Variants in MAGI1 observed in about 807,000 individuals in gnomAD.
The protein encoded by MAGI1 is membrane-associated guanylate kinase, WW and PDZ domain-containing protein 1.
A neutral mutation model predicts 139.9 loss-of-function variants in MAGI1; 58 were observed. The observed-to-expected ratio is 0.41, with a 90% confidence interval of 0.34 to 0.52. The LOEUF (loss-of-function observed/expected upper bound fraction) is 0.52, where lower values mean the gene tolerates loss of function less well. Among genes scored for constraint, MAGI1 ranks in the 20% least tolerant of loss-of-function variants. MAGI1 has a pLI of 0.12. For synonymous variants in MAGI1, 812 were observed against 737.9 expected (o/e 1.10, Z -1.63); for missense variants, 1,874 against 1,901.6 (o/e 0.99, Z 0.27).
intron 2 of MAGI1, among the ~76,000 whole-genome samples, chr3:65,543,279 A>G (rs1476004178): frequency 1.3e-5 from 2 of 152,236 alleles, no homozygotes; most frequent in South Asian, 2.1e-4. Context: ...GTAGACAAAC[A>G]GGAACATTTT....
At chr3:65,946,582 G>T (rs1019035143) in intron 1 of MAGI1, among the ~76,000 whole-genome samples, 1 of 151,818 alleles carries the variant, frequency 6.6e-6, no homozygotes, top group African/African-American at 2.4e-5. Flanking sequence ...TATTTGTCTT[G>T]GCAATGGCAT....
At chr3:65,699,639 A>C (rs1268285991) in intron 1 of MAGI1, among the ~76,000 whole-genome samples, 1 of 148,802 alleles carries the variant, frequency 6.7e-6, no homozygotes, top group East Asian at 2.0e-4. Context: ...AAAAAACCAA[A>C]CACCTCATAT....
At chr3:66,032,388 T>G (rs2107601540) in intron 1 of MAGI1, among the ~76,000 whole-genome samples, 1 of 146,924 alleles carries the variant, frequency 6.8e-6, no homozygotes, top group African/African-American at 2.5e-5. Context: ...TTTTTTTGTT[T>G]TTTTTTTTTT....
At chr3:65,561,850 A>G (rs1359910674) in intron 2 of MAGI1, among the ~76,000 whole-genome samples, 2 of 152,198 alleles carry the variant, frequency 1.3e-5, no homozygotes, top group African/African-American at 4.8e-5. Flanking sequence ...AGTGATTCAC[A>G]TTAATTTAAT....
intron 1 of MAGI1, among the ~76,000 whole-genome samples, chr3:65,752,105 G>T (rs976422569): frequency 1.6e-4 from 25 of 152,048 alleles, no homozygotes; most frequent in Admixed American, 2.6e-4. Context: ...CACAAGGCCT[G>T]GCTAAATTTT....
chr3:65,802,432 T>G (rs1048169732), intron 1 of MAGI1, among the ~76,000 whole-genome samples: 3 of 152,186 alleles, frequency 2.0e-5, no homozygotes, highest in Non-Finnish European at 4.4e-5. Context: ...CATGAGTTAC[T>G]CGTGTAATTA....
intron 1 of MAGI1, among the ~76,000 whole-genome samples, chr3:65,664,746 A>C (rs2086404604): frequency 6.6e-6 from 1 of 152,196 alleles, no homozygotes; most frequent in Non-Finnish European, 1.5e-5. Context: ...TCCAGTGGAG[A>C]TCAAACAAGA....
intron 1 of MAGI1, among the ~76,000 whole-genome samples, chr3:65,790,300 T>C (rs924898957): frequency 1.3e-5 from 2 of 152,200 alleles, no homozygotes; most frequent in African/African-American, 2.4e-5. Context: ...TCTGATCCTA[T>C]TGCCTTCTTA....
Position 65,361,554 on chromosome 3 carries a change from GA to G in MAGI1, c.3496-218del, listed in dbSNP as rs201164371. ...ATGCCAAATCACATGAGAAAGGGGG[GA>G]AAAAAAGCAGTAAGGGCATGTTAAT... On this transcript the variant is annotated intron_variant, in intron 21 of 22. Transcript: ENST00000402939. 6.0e-4 allele frequency among the ~76,000 whole-genome samples: 91 copies of G among 152,060 alleles called. No individual in the cohort carries two copies. In the East Asian group the frequency reaches 7.5e-3, roughly 13 times the overall value.
At chr3:65,359,197 A>C in intron 22 of MAGI1, 1 of 1,602,676 alleles carries the variant, frequency 6.2e-7, no homozygotes, top group Non-Finnish European at 8.5e-7. Context: ...AGAGAGAAGG[A>C]GAAAGAGAGA....
At chr3:65,887,658 G>C (rs2060586746) in intron 1 of MAGI1, among the ~76,000 whole-genome samples, 1 of 152,100 alleles carries the variant, frequency 6.6e-6, no homozygotes, top group Non-Finnish European at 1.5e-5. Context: ...TTCTATGTCT[G>C]GTTAGGACGT....
chr3:65,838,984 A>G (rs1328301546), intron 1 of MAGI1, among the ~76,000 whole-genome samples: 2 of 152,208 alleles, frequency 1.3e-5, no homozygotes, highest in African/African-American at 2.4e-5. Flanking sequence ...AATGTTGAAC[A>G]TCTTTTTAAG....
intron 1 of MAGI1, chr3:65,720,147 G>T (rs1251952618): frequency 1.3e-5 from 2 of 152,096 alleles, no homozygotes; most frequent in Admixed American, 1.3e-4. Flanking sequence ...GTAGTGCCAG[G>T]CATAGGGTAA....
intron 18 of MAGI1, among the ~76,000 whole-genome samples, chr3:65,371,175 G>A (rs187262988): frequency 1.3e-5 from 2 of 152,276 alleles, no homozygotes; most frequent in African/African-American, 2.4e-5. Flanking sequence ...GGGTTAGTCT[G>A]TTTGATATCT....
At chr3:65,837,959 G>A (rs74567150) in intron 1 of MAGI1, among the ~76,000 whole-genome samples, 12,573 of 152,222 alleles carry the variant, frequency 0.083, 713 homozygotes, top group South Asian at 0.28. Context: ...ATGGAACAGA[G>A]AAGTTGTGCA....
chr3:65,408,082 T>C (rs772844943), intron 12 of MAGI1, among the ~76,000 whole-genome samples: 25 of 152,220 alleles, frequency 1.6e-4, no homozygotes, highest in African/African-American at 6.0e-4. Context: ...AGGGAGTCTT[T>C]GAAACCTTCA....
chr3:65,579,846 T>C (rs1442631629), intron 2 of MAGI1, among the ~76,000 whole-genome samples: 1 of 73,222 alleles, frequency 1.4e-5, no homozygotes. Flanking sequence ...AAACTCCATC[T>C]CAAAAAAAAA....
At chr3:65,837,432 C>T (rs775274313) in intron 1 of MAGI1, among the ~76,000 whole-genome samples, 1 of 152,134 alleles carries the variant, frequency 6.6e-6, no homozygotes, top group Non-Finnish European at 1.5e-5. Flanking sequence ...TGGAATTCTT[C>T]CAGCAACATT....
At chr3:65,590,752 G>A (rs1322162957) in intron 2 of MAGI1, among the ~76,000 whole-genome samples, 2 of 152,048 alleles carry the variant, frequency 1.3e-5, no homozygotes, top group Non-Finnish European at 2.9e-5. Context: ...AACCTTCACA[G>A]GACAGGATAA....
Sources: allele counts gnomAD v4.1 joint callset (sites outside exome capture counted in the v4.1 genomes callset), GRCh38; gene constraint gnomAD v4.1.1; transcripts MANE v1.5; gene names NCBI Gene and HGNC (gene_info 2026-07-23, HGNC 2026-07-21).